Variants in RBFOX1 observed in about 807,000 individuals in gnomAD.
The protein encoded by RBFOX1 is RNA binding fox-1 homolog 1.
Under a neutral mutation model 57.7 loss-of-function variants are expected in RBFOX1, and 8 were observed. The ratio of observed to expected loss-of-function variants is 0.14; its 90% CI spans 0.08 to 0.25. The LOEUF is 0.25. RBFOX1 is among the 10% of genes least tolerant of loss of function. The pLI is 1.00. For missense variants in RBFOX1, 611 were observed against 548.5 expected, an observed-to-expected ratio of 1.11 and a Z score of -1.14; for synonymous variants, 326 against 222.4, an observed-to-expected ratio of 1.47 and a Z score of -4.15.
At chr16:5,347,880 A>C in intron 1 of RBFOX1, among the ~76,000 whole-genome samples, 3 of 124,824 alleles carry the variant, frequency 2.4e-5, no homozygotes, top group Non-Finnish European at 3.3e-5. Flanking sequence ...TAATGCACTC[A>C]CCCACCCATT....
At chr16:7,041,223 C>T (rs534259234) in intron 3 of RBFOX1, among the ~76,000 whole-genome samples, 13 of 151,746 alleles carry the variant, frequency 8.6e-5, no homozygotes, top group African/African-American at 3.1e-4. Flanking sequence ...TGTGAGCCAC[C>T]ACATCCAACC....
intron 2 of RBFOX1, among the ~76,000 whole-genome samples, chr16:6,341,133 TA>T (rs2084506240): frequency 6.6e-6 from 1 of 152,166 alleles, no homozygotes; most frequent in Non-Finnish European, 1.5e-5. Context: ...TTCTGGAAGT[TA>T]AAAGTCTAAC....
chr16:5,551,581 C>T (rs1029205116), intron 2 of RBFOX1, among the ~76,000 whole-genome samples: 3 of 152,206 alleles, frequency 2.0e-5, no homozygotes, highest in African/African-American at 7.2e-5. Flanking sequence ...TCTCTAGCAG[C>T]TTGCTTTCAG....
At chr16:6,361,903 T>C (rs994437175) in intron 2 of RBFOX1, among the ~76,000 whole-genome samples, 2 of 151,778 alleles carry the variant, frequency 1.3e-5, no homozygotes, top group Non-Finnish European at 2.9e-5. Flanking sequence ...GCCGTTTTTG[T>C]TTTTTTTCAC....
At chr16:6,858,961 A>G (rs527950742) in intron 3 of RBFOX1, among the ~76,000 whole-genome samples, 7 of 151,630 alleles carry the variant, frequency 4.6e-5, no homozygotes, top group African/African-American at 1.7e-4. Context: ...AATCAAAGGT[A>G]GGTAAAAACA....
At chr16:7,605,785 C>T (rs2095260743) in intron 9 of RBFOX1, among the ~76,000 whole-genome samples, 1 of 152,170 alleles carries the variant, frequency 6.6e-6, no homozygotes, top group Non-Finnish European at 1.5e-5. Flanking sequence ...ATTTGGCCTT[C>T]TGCTCAAGGA....
chr16:7,206,613 A>C (rs1342460141), intron 4 of RBFOX1, among the ~76,000 whole-genome samples: 3 of 152,068 alleles, frequency 2.0e-5, no homozygotes, highest in African/African-American at 7.2e-5. Flanking sequence ...ATCGTACTCA[A>C]GTTGAAGTGC....
At chr16:7,256,831 C>T (rs994628667) in intron 4 of RBFOX1, among the ~76,000 whole-genome samples, 2 of 152,150 alleles carry the variant, frequency 1.3e-5, no homozygotes, top group African/African-American at 4.8e-5. Flanking sequence ...ACGCACACAT[C>T]TTTGCCTTTG....
At chr16:6,268,237 C>A (rs1055235390) in intron 1 of RBFOX1, among the ~76,000 whole-genome samples, 23 of 152,160 alleles carry the variant, frequency 1.5e-4, no homozygotes, top group Admixed American at 1.5e-3. Context: ...GAATCTGTGT[C>A]CCTAGATTTA....
chr16:7,401,212 G>C (rs894274760), intron 4 of RBFOX1, among the ~76,000 whole-genome samples: 4 of 152,104 alleles, frequency 2.6e-5, no homozygotes, highest in African/African-American at 9.7e-5. Context: ...CACAGTAGTT[G>C]GCGTAAAACC....
intron 3 of RBFOX1, among the ~76,000 whole-genome samples, chr16:7,006,890 C>G (rs888174139): frequency 6.6e-6 from 1 of 152,190 alleles, no homozygotes; most frequent in Non-Finnish European, 1.5e-5. Context: ...TTTGTTCTGC[C>G]TTTAACATCA....
chr16:5,916,947 G>A (rs1018244050), intron 4 of RBFOX1, among the ~76,000 whole-genome samples: 3 of 152,116 alleles, frequency 2.0e-5, no homozygotes, highest in East Asian at 3.9e-4. Context: ...GAGCTAGTGG[G>A]TGTCTCCCCT....
chr16:5,439,261 AGGACT>A (rs1348220364), intron 1 of RBFOX1, among the ~76,000 whole-genome samples: 1 of 152,108 alleles, frequency 6.6e-6, no homozygotes, highest in African/African-American at 2.4e-5. Context: ...AAGGTAGGCG[AGGACT>A]GGATCCATGT....
intron 1 of RBFOX1, among the ~76,000 whole-genome samples, chr16:6,126,287 C>T (rs1453724090): frequency 2.0e-5 from 3 of 152,234 alleles, no homozygotes; most frequent in Non-Finnish European, 1.5e-5. Flanking sequence ...CTAACCTTCG[C>T]AGGCCGTTGG....
chr16:7,486,931 G>T (rs574644011), intron 4 of RBFOX1, among the ~76,000 whole-genome samples: 1 of 152,228 alleles, frequency 6.6e-6, no homozygotes, highest in South Asian at 2.1e-4. Flanking sequence ...ATGGAGTCTT[G>T]CTCTGTCACC....
intron 4 of RBFOX1, among the ~76,000 whole-genome samples, chr16:7,367,617 A>G (rs1006353686): frequency 1.3e-5 from 2 of 152,192 alleles, no homozygotes. Context: ...TCTGATGCTC[A>G]CAACATTCTG....
In RBFOX1 at chr16:6,289,210, G is replaced by A. The variant is rs139658927; in HGVS notation, c.-126-27785G>A. On this transcript the variant is annotated intron_variant, in intron 1 of 15. Transcript: ENST00000550418. ...TTGATCAGTAGAATTTTTCTTTGCA[G>A]ATGTCACAGAGGTATTCGTTCCTTG... 4.1e-4 allele frequency among the ~76,000 whole-genome samples: 62 copies of A among 152,280 alleles called. 1 individual carries two copies. In the East Asian group the frequency reaches 9.5e-3, roughly 23 times the overall value.
chr16:7,345,254 G>C (rs1229639936), intron 4 of RBFOX1, among the ~76,000 whole-genome samples: 1 of 152,122 alleles, frequency 6.6e-6, no homozygotes, highest in African/African-American at 2.4e-5. Context: ...TTACTGTGGT[G>C]GTGTGTTATT....
intron 4 of RBFOX1, among the ~76,000 whole-genome samples, chr16:5,962,818 GT>G (rs55961605): frequency 0.42 from 56,848 of 135,330 alleles, 11,854 homozygotes; most frequent in African/African-American, 0.52. Flanking sequence ...TGAGGGTTTG[GT>G]TTTTTTTTTT....
Sources: allele counts gnomAD v4.1 joint callset (sites outside exome capture counted in the v4.1 genomes callset), GRCh38; gene constraint gnomAD v4.1.1; transcripts MANE v1.5; gene names NCBI Gene and HGNC (gene_info 2026-07-23, HGNC 2026-07-21).